Variants in ITCH observed in about 807,000 individuals in gnomAD.
The protein encoded by ITCH is itchy E3 ubiquitin protein ligase.
ITCH carries 28 observed loss-of-function variants against 126.8 expected under a neutral mutation model. The observed-to-expected ratio is 0.22, with a 90% CI of 0.16 to 0.30. The LOEUF (loss-of-function observed/expected upper bound fraction) is 0.30, where lower values mean the gene tolerates loss of function less well. ITCH is among the 10% of genes least tolerant of loss of function. ITCH has a pLI of 1.00. For synonymous variants in ITCH, 342 were observed against 340.0 expected (o/e 1.01, Z -0.06); for missense variants, 631 against 1,032.4 (o/e 0.61, Z 5.33).
chr20:34,392,017 G>C, intron 2 of ITCH, among the ~76,000 whole-genome samples: 1 of 152,144 alleles, frequency 6.6e-6, no homozygotes, highest in Non-Finnish European at 1.5e-5. Flanking sequence ...CAGAATATCA[G>C]CAGCCAGATA....
chr20:34,413,142 C>T (rs1270693829), intron 5 of ITCH, among the ~76,000 whole-genome samples: 2 of 151,920 alleles, frequency 1.3e-5, no homozygotes, highest in Non-Finnish European at 2.9e-5. Flanking sequence ...GCCTCAGCCT[C>T]CTGATATATC....
chr20:34,417,393 C>T (rs192043318), intron 6 of ITCH, among the ~76,000 whole-genome samples: 117 of 133,428 alleles, frequency 8.8e-4, no homozygotes, highest in Admixed American at 1.5e-3. Context: ...CCACTGCGCC[C>T]GGCTGACTTT....
At chr20:34,425,277 G>A (rs1568926651) in intron 7 of ITCH, among the ~76,000 whole-genome samples, 1 of 152,122 alleles carries the variant, frequency 6.6e-6, no homozygotes, top group Non-Finnish European at 1.5e-5. Context: ...GATTAACCAC[G>A]GACACAATGC....
intron 1 of ITCH, among the ~76,000 whole-genome samples, chr20:34,368,059 A>C (rs2037483128): frequency 6.6e-6 from 1 of 152,154 alleles, no homozygotes; most frequent in Non-Finnish European, 1.5e-5. Context: ...TCACGAGGTC[A>C]GGAGATCGAG....
intron 16 of ITCH, among the ~76,000 whole-genome samples, chr20:34,475,054 C>A (rs146006879): frequency 1.3e-5 from 2 of 148,546 alleles, no homozygotes; most frequent in African/African-American, 2.5e-5. Flanking sequence ...CATCCCAGAC[C>A]ATGGGCGGCC....
chr20:34,459,449 C>T (rs1405337591), intron 13 of ITCH, among the ~76,000 whole-genome samples: 3 of 152,118 alleles, frequency 2.0e-5, no homozygotes, highest in Non-Finnish European at 4.4e-5. Flanking sequence ...CTCCAGAGGT[C>T]GGAACTGATG....
intron 3 of ITCH, among the ~76,000 whole-genome samples, chr20:34,398,761 G>T (rs2038766265): frequency 6.6e-6 from 1 of 151,682 alleles, no homozygotes; most frequent in South Asian, 2.1e-4. Context: ...CTTGCTAATT[G>T]GGTCTAAATA....
chr20:34,494,866 G>A (rs1989749396), intron 23 of ITCH, among the ~76,000 whole-genome samples: 1 of 152,026 alleles, frequency 6.6e-6, no homozygotes, highest in South Asian at 2.1e-4. Flanking sequence ...GGTTGAGGTG[G>A]GAGGATCACT....
In ITCH at chr20:34,385,189, ATGTGTGTG is replaced by A. The variant is rs150658162; in HGVS notation, c.-21-8577_-21-8570del. Among the ~76,000 whole-genome samples the A allele has an allele frequency of 2.5e-3, 257 of 101,350 alleles. 1 individual carries two copies. The highest frequency in any genetic ancestry group is 9.1e-3 in the African/African-American group (227 of 25,044). The allele number at this position is 101,350 out of a possible 152,430, so 66.5% of individuals were successfully genotyped here. A position where few individuals can be genotyped will look rare whatever the true frequency, so the allele number is the denominator to read the frequency against. ...CATGCCACCACGTCCAGCTAATTTT[ATGTGTGTG>A]TGTGTGTGTGTGTGTGTGTGTGTGG... On this transcript the variant is annotated intron_variant, in intron 2 of 24. Transcript: ENST00000374864.
At chr20:34,378,830 T>A (rs1053540394) in intron 2 of ITCH, among the ~76,000 whole-genome samples, 17 of 152,150 alleles carry the variant, frequency 1.1e-4, no homozygotes, top group African/African-American at 4.1e-4. Flanking sequence ...AAGTCAGTAG[T>A]CAAAAGGAGA....
At chr20:34,424,376 A>G (rs1480547217) in intron 6 of ITCH, 104 bp from the exon 7 acceptor site, 4 of 862,434 alleles carry the variant, frequency 4.6e-6, no homozygotes, top group Non-Finnish European at 5.9e-6. Flanking sequence ...TCTTTATTAC[A>G]AAGATTTAAT....
intron 2 of ITCH, among the ~76,000 whole-genome samples, chr20:34,384,879 G>C (rs986774340): frequency 2.0e-5 from 3 of 151,850 alleles, no homozygotes; most frequent in Admixed American, 6.6e-5. Flanking sequence ...AGCCAGGTTG[G>C]TCTTGATCTC....
At chr20:34,399,964 G>T (rs2038813787) in intron 3 of ITCH, among the ~76,000 whole-genome samples, 1 of 151,728 alleles carries the variant, frequency 6.6e-6, no homozygotes, top group Non-Finnish European at 1.5e-5. Flanking sequence ...TTTTAAGACG[G>T]AGTCTCGCTC....
intron 16 of ITCH, 135 bp from the exon 17 acceptor site, chr20:34,477,637 T>A: frequency 2.8e-6 from 2 of 718,208 alleles, no homozygotes; most frequent in Non-Finnish European, 4.9e-6. Flanking sequence ...TGTGTGGTTT[T>A]GACTAGACCA....
rs1353680743 is a variant in ITCH at position 34,509,451 on chromosome 20, T to C, written c.*1657T>C. 7.2e-5 allele frequency: 11 copies of C among 152,652 alleles called. No homozygotes were observed. The allele number at this position is 152,652 out of a possible 1,614,324, so 9.5% of individuals were successfully genotyped here. A position where few individuals can be genotyped will look rare whatever the true frequency, so the allele number is the denominator to read the frequency against. ...GAAAAACAATTTTTTGTCCCTAATG[T>C]TCTTCCTTTTACATCCTGGAACAAC... On this transcript the variant is annotated 3_prime_UTR_variant, in exon 25 of 25. Coordinates refer to ENST00000374864, the MANE Select transcript of ITCH (RefSeq NM_031483.7).
chr20:34,498,853 G>C (rs903012865), intron 23 of ITCH, among the ~76,000 whole-genome samples: 2 of 151,722 alleles, frequency 1.3e-5, no homozygotes, highest in Non-Finnish European at 2.9e-5. Flanking sequence ...CTTGTAGAAT[G>C]AGTTTCAAAA....
intron 2 of ITCH, among the ~76,000 whole-genome samples, chr20:34,392,851 G>GCTGAAGCA (rs1366614850): frequency 6.6e-6 from 1 of 152,124 alleles, no homozygotes; most frequent in Non-Finnish European, 1.5e-5. Context: ...TACTCAGGAG[G>GCTGAAGCA]CTGAAGCAGA....
At position 34,489,320 on chromosome 20, in the gene ITCH, C is replaced by T; in HGVS notation, c.2148C>T (p.Phe716=). ...GTGTTGAAGAACAGACACAAGCTTT[C>T]TTTGAAGGCTTTAATGAAATTCTTC... ...SRGVEEQTQA[F]FEGFNEILPQ... Residue 716 remains phenylalanine, a synonymous_variant, in exon 21 of 25, where the codon TTC becomes TTT. Coordinates refer to ENST00000374864, the MANE Select transcript of ITCH (RefSeq NM_031483.7). 5 of 1,612,792 alleles carry T rather than the reference C, an allele frequency of 3.1e-6. No homozygotes were observed. Among genetic ancestry groups the T allele is most frequent in the South Asian group, 1.1e-5 (1 of 91,036 alleles).
intron 2 of ITCH, among the ~76,000 whole-genome samples, chr20:34,378,106 CTT>C (rs2037914535): frequency 1.3e-5 from 2 of 150,694 alleles, no homozygotes; most frequent in Non-Finnish European, 2.9e-5. Flanking sequence ...AGACTATAGT[CTT>C]TTTCGCAAGT....
Sources: allele counts gnomAD v4.1 joint callset (sites outside exome capture counted in the v4.1 genomes callset), GRCh38; gene constraint gnomAD v4.1.1; transcripts MANE v1.5; gene names NCBI Gene and HGNC (gene_info 2026-07-23, HGNC 2026-07-21).